Variants in CAMTA1 observed in about 807,000 individuals in gnomAD.
The protein encoded by CAMTA1 is calmodulin binding transcription activator 1, also known as calmodulin-binding transcription activator 1.
Under a neutral mutation model 170.9 loss-of-function variants are expected in CAMTA1, and 27 were observed. The observed-to-expected ratio is 0.16, with a 90% CI of 0.12 to 0.22. The LOEUF is 0.22. Among genes scored for constraint, CAMTA1 ranks in the 10% least tolerant of loss-of-function variants. The probability of loss-of-function intolerance (pLI) is 1.00; values close to 1 mark genes in which losing one functional copy is unlikely to be tolerated. For missense variants in CAMTA1, 1,619 were observed against 2,217.2 expected, an observed-to-expected ratio of 0.73 and a Z score of 5.42; for synonymous variants, 833 against 891.5, an observed-to-expected ratio of 0.93 and a Z score of 1.17.
At chr1:7,340,358 G>A (rs2083707620) in intron 5 of CAMTA1, among the ~76,000 whole-genome samples, 1 of 152,076 alleles carries the variant, frequency 6.6e-6, no homozygotes, top group Admixed American at 6.5e-5. Flanking sequence ...ACTTATGCTT[G>A]TGTCCAGGAA....
intron 3 of CAMTA1, among the ~76,000 whole-genome samples, chr1:6,876,912 C>G (rs1364825090): frequency 6.6e-6 from 1 of 152,152 alleles, no homozygotes; most frequent in African/African-American, 2.4e-5. Context: ...GCACTTATGT[C>G]AGGCTTTTAG....
At chr1:7,662,926 G>A (rs1013726497) in intron 8 of CAMTA1, among the ~76,000 whole-genome samples, 3 of 152,274 alleles carry the variant, frequency 2.0e-5, no homozygotes, top group Non-Finnish European at 2.9e-5. Context: ...GAGGGGAGGT[G>A]GGGCAGGATA....
At chr1:7,306,979 ATATGCAAATAC>A (rs1675693324) in intron 5 of CAMTA1, among the ~76,000 whole-genome samples, 1 of 152,110 alleles carries the variant, frequency 6.6e-6, no homozygotes, top group South Asian at 2.1e-4. Context: ...AGCATAGGTT[ATATGCAAATAC>A]TATACCATTT....
chr1:7,051,204 A>G (rs528069882), intron 3 of CAMTA1, among the ~76,000 whole-genome samples: 2 of 152,256 alleles, frequency 1.3e-5, no homozygotes, highest in African/African-American at 4.8e-5. Context: ...CCCAGTGCTT[A>G]TGAGCTGAAA....
rs1161886445 is a variant in CAMTA1, at chr1:7,356,681, C to T, written c.438+107055C>T. ...TGTCAGGGCTTGGCTCTGCAGGTAC[C>T]CAGCCTGCCCCATTCCTGGTGGCTG... On this transcript the variant is annotated intron_variant, in intron 5 of 22. Coordinates refer to ENST00000303635, the MANE Select transcript of CAMTA1 (RefSeq NM_015215.4). Among the ~76,000 whole-genome samples the T allele has an allele frequency of 1.3e-5, 2 of 152,154 alleles. 1 individual carries two copies. The highest frequency in any genetic ancestry group is 4.2e-4 in the South Asian group (2 of 4,818).
chr1:7,282,703 A>C (rs1255837061), intron 5 of CAMTA1, among the ~76,000 whole-genome samples: 1 of 152,082 alleles, frequency 6.6e-6, no homozygotes, highest in East Asian at 1.9e-4. Context: ...GCCCTCCCTC[A>C]GGGAGCCTGC....
chr1:7,459,134 G>A (rs1297024659), intron 5 of CAMTA1, among the ~76,000 whole-genome samples: 2 of 152,188 alleles, frequency 1.3e-5, no homozygotes, highest in African/African-American at 4.8e-5. Flanking sequence ...GAGGACCAGG[G>A]GGTGGCCTGC....
At chr1:7,679,323 C>A (rs2096159815) in intron 11 of CAMTA1, among the ~76,000 whole-genome samples, 1 of 152,214 alleles carries the variant, frequency 6.6e-6, no homozygotes, top group South Asian at 2.1e-4. Flanking sequence ...CCCTGCCTGG[C>A]AGATGGAGCC....
At chr1:7,765,837 T>G (rs957018184) in intron 22 of CAMTA1, among the ~76,000 whole-genome samples, 3 of 152,068 alleles carry the variant, frequency 2.0e-5, no homozygotes, top group South Asian at 2.1e-4. Context: ...CCATCCTGGC[T>G]AACATGGTGA....
intron 3 of CAMTA1, among the ~76,000 whole-genome samples, chr1:6,878,175 A>C (rs758510226): frequency 5.9e-5 from 9 of 152,266 alleles, no homozygotes; most frequent in Non-Finnish European, 8.8e-5. Context: ...AGCAACATTC[A>C]TGGTGGTACA....
At chr1:7,163,359 A>C (rs979530444) in intron 4 of CAMTA1, among the ~76,000 whole-genome samples, 8 of 151,568 alleles carry the variant, frequency 5.3e-5, no homozygotes, top group Non-Finnish European at 1.0e-4. Context: ...TGGGTGGGTC[A>C]TCATATGGAT....
At chr1:7,590,955 T>C (rs942419736) in intron 6 of CAMTA1, among the ~76,000 whole-genome samples, 8 of 152,214 alleles carry the variant, frequency 5.3e-5, no homozygotes, top group African/African-American at 1.9e-4. Flanking sequence ...ATACTGTACC[T>C]ACAGAAAAGT....
chr1:7,736,867 T>C lies in CAMTA1; in HGVS notation c.3264-64T>C. On this transcript the variant is annotated intron_variant, in intron 13 of 22. Coordinates refer to ENST00000303635, the MANE Select transcript of CAMTA1 (RefSeq NM_015215.4). The surrounding 1 kb of genome is among the most constrained non-coding windows in gnomAD (Gnocchi z 4.5). ...GTTTCATCTTGGTGGGGTTTTATAA[T>C]ATTCTGGTGTTTCCTTTTAACGGTG... 3 of 1,290,502 alleles carry C rather than the reference T, an allele frequency of 2.3e-6. No individual in the cohort carries two copies. The highest frequency in any genetic ancestry group is 1.5e-5 in the African/African-American group (1 of 68,920). 79.9% of individuals were successfully genotyped at this position (1,290,502 alleles called of 1,614,324 possible).
intron 6 of CAMTA1, among the ~76,000 whole-genome samples, chr1:7,600,487 TTTTC>T (rs991798337): frequency 3.8e-5 from 5 of 132,004 alleles, no homozygotes; most frequent in African/African-American, 1.5e-4. Flanking sequence ...CTCTTTTTCT[TTTTC>T]TTTTTTTTTT....
At chr1:7,391,793 A>G (rs980235529) in intron 5 of CAMTA1, among the ~76,000 whole-genome samples, 4 of 152,232 alleles carry the variant, frequency 2.6e-5, no homozygotes, top group African/African-American at 9.6e-5. Context: ...TTCTTTCGCC[A>G]GACATAATGA....
At chr1:6,856,626 A>T (rs1028061941) in intron 3 of CAMTA1, among the ~76,000 whole-genome samples, 1 of 152,140 alleles carries the variant, frequency 6.6e-6, no homozygotes, top group Non-Finnish European at 1.5e-5. Context: ...TTTCAAAGGG[A>T]GACAGCCATT....
Position 7,570,059 on chromosome 1 carries a change from G to T in CAMTA1, c.511-70341G>T, listed in dbSNP as rs1320521542. Among the ~76,000 whole-genome samples, 1 of 152,198 alleles carries T rather than the reference G, an allele frequency of 6.6e-6. No homozygotes were observed. The highest frequency in any genetic ancestry group is 1.5e-5 in the Non-Finnish European group (1 of 68,024). On this transcript the variant is annotated intron_variant, in intron 6 of 22. Coordinates refer to ENST00000303635, the MANE Select transcript of CAMTA1 (RefSeq NM_015215.4). The surrounding 1 kb of genome is among the most constrained non-coding windows in gnomAD (Gnocchi z 4.3). ...ACTGTATCAATTTAAAATGGCTTTT[G>T]CTTTGATCATTAGGGGTCCTGGGAG...
At chr1:7,431,981 A>G (rs1193834400) in intron 5 of CAMTA1, among the ~76,000 whole-genome samples, 2 of 152,218 alleles carry the variant, frequency 1.3e-5, no homozygotes, top group Admixed American at 1.3e-4. Context: ...TGCTGGTGCC[A>G]GGGGAACAAC....
chr1:7,420,516 C>T (rs964294759), intron 5 of CAMTA1, among the ~76,000 whole-genome samples: 1 of 152,088 alleles, frequency 6.6e-6, no homozygotes, highest in South Asian at 2.1e-4. Flanking sequence ...TAGTGAAGGA[C>T]TAAGGGAGTG....
Sources: allele counts gnomAD v4.1 joint callset (sites outside exome capture counted in the v4.1 genomes callset), GRCh38; gene constraint gnomAD v4.1.1; non-coding constraint Gnocchi (gnomAD v3.1); transcripts MANE v1.5; gene names NCBI Gene and HGNC (gene_info 2026-07-23, HGNC 2026-07-21).